EPG5: variants seen among roughly 807,000 people sequenced by gnomAD.
The protein encoded by EPG5 is ectopic P-granules 5 autophagy tethering factor.
Under a neutral mutation model 302.7 loss-of-function variants are expected in EPG5, and 159 were observed. The ratio of observed to expected loss-of-function variants is 0.53; its 90% CI spans 0.46 to 0.60. The LOEUF (loss-of-function observed/expected upper bound fraction) is 0.60. EPG5 is among the 20% of genes least tolerant of loss of function. The probability of loss-of-function intolerance (pLI) is 0.00; values close to 1 mark genes in which losing one functional copy is unlikely to be tolerated. For synonymous variants in EPG5, 1,158 were observed against 1,136.8 expected, an observed-to-expected ratio of 1.02 and a Z score of -0.37; for missense variants, 2,896 against 3,092.4, an observed-to-expected ratio of 0.94 and a Z score of 1.51.
intron 26 of EPG5, among the ~76,000 whole-genome samples, chr18:45,900,111 A>T (rs2049574832): frequency 6.6e-6 from 1 of 152,162 alleles, no homozygotes; most frequent in Admixed American, 6.5e-5. Context: ...CTGATAAGAA[A>T]TTGATTCATG....
chr18:45,918,199 C>G (rs563858963), intron 16 of EPG5, among the ~76,000 whole-genome samples: 78 of 152,326 alleles, frequency 5.1e-4, no homozygotes, highest in Non-Finnish European at 5.6e-4. Context: ...GATATTCCCA[C>G]AAGGTATCAC....
intron 39 of EPG5, among the ~76,000 whole-genome samples, chr18:45,864,088 C>T (rs1374016204): frequency 6.6e-6 from 1 of 152,114 alleles, no homozygotes; most frequent in Non-Finnish European, 1.5e-5. Flanking sequence ...TCCTCTATGC[C>T]TTTTAACCTC....
At chr18:45,935,183 CAT>C (rs2145847984) in intron 10 of EPG5, among the ~76,000 whole-genome samples, 1 of 152,298 alleles carries the variant, frequency 6.6e-6, no homozygotes, top group East Asian at 1.9e-4. Flanking sequence ...ACAATGTGTG[CAT>C]GTGTGTGTGT....
intron 35 of EPG5, among the ~76,000 whole-genome samples, chr18:45,873,626 C>T (rs1323556941): frequency 6.6e-6 from 1 of 152,050 alleles, no homozygotes; most frequent in African/African-American, 2.4e-5. Context: ...TAGAAGTCTG[C>T]CTTTCAAAAA....
intron 34 of EPG5, 84 bp downstream of exon 34, chr18:45,878,292 G>A: frequency 1.1e-6 from 1 of 884,700 alleles, no homozygotes; most frequent in South Asian, 1.4e-5. Context: ...TTAAATCTGT[G>A]AACTCATCAC....
At chr18:45,825,172 G>GA in the EPG5 span, among the ~76,000 whole-genome samples, 76 of 111,194 alleles carry the variant, frequency 6.8e-4, no homozygotes, top group Non-Finnish European at 1.3e-3. Context: ...GGGAGGGAGG[G>GA]AGGAAGAGAG....
the EPG5 span, among the ~76,000 whole-genome samples, chr18:45,821,456 T>A: frequency 6.6e-6 from 1 of 152,226 alleles, no homozygotes; most frequent in Non-Finnish European, 1.5e-5. Flanking sequence ...GAAGGCATTT[T>A]ATATGAGAAT....
At chr18:45,855,331 C>A in intron 43 of EPG5, 1 of 421,030 alleles carries the variant, frequency 2.4e-6, no homozygotes. Context: ...TAATGCTAGA[C>A]AGACTTTTCG....
chr18:45,813,174 A>G, the EPG5 span, among the ~76,000 whole-genome samples: 5 of 152,380 alleles, frequency 3.3e-5, no homozygotes, highest in African/African-American at 1.2e-4. Flanking sequence ...AATGCTCATC[A>G]TGACTGGCCA....
the EPG5 span, among the ~76,000 whole-genome samples, chr18:45,840,712 G>A: frequency 6.6e-6 from 1 of 152,210 alleles, no homozygotes; most frequent in East Asian, 1.9e-4. Flanking sequence ...GGTGTTGAAG[G>A]AGAAAGAACT....
At chr18:45,835,045 A>G in the EPG5 span, among the ~76,000 whole-genome samples, 1 of 152,100 alleles carries the variant, frequency 6.6e-6, no homozygotes, top group South Asian at 2.1e-4. Context: ...TAGGTCCTCC[A>G]CTCGGGTTCA....
intron 42 of EPG5, chr18:45,857,624 C>G: frequency 2.0e-6 from 1 of 495,904 alleles, no homozygotes; most frequent in South Asian, 2.7e-5. Context: ...ATTAAAAATA[C>G]TGTTTGAATT....
chr18:45,922,241 A>G, intron 16 of EPG5, 100 bp downstream of exon 16: 1 of 1,454,988 alleles, frequency 6.9e-7, no homozygotes, highest in Non-Finnish European at 9.3e-7. Flanking sequence ...TTGCTCCGCA[A>G]TAGGTTTGAC....
intron 10 of EPG5, among the ~76,000 whole-genome samples, chr18:45,936,999 T>C (rs925015851): frequency 2.6e-5 from 4 of 152,218 alleles, no homozygotes; most frequent in Non-Finnish European, 2.9e-5. Context: ...AAAAGCCAGC[T>C]AGACTTCTGA....
At position 45,879,183 on chromosome 18, in the gene EPG5, A is replaced by G; in HGVS notation, c.5699T>C (p.Phe1900Ser). Residue 1900 changes from phenylalanine (F) to serine (S), a missense_variant, in exon 33 of 44, where the codon TTT (phenylalanine) becomes TCT (serine). Physicochemically the swap from Phe to Ser is radical, Grantham distance 155 (BLOSUM62 -2). This residue lies in a region of EPG5 where 790 missense variants were observed against 798.0 expected (regional missense o/e 0.99). Coordinates refer to ENST00000282041, the MANE Select transcript of EPG5 (RefSeq NM_020964.3). ...CTTGGATAACCGAAGCTTATAAAAA[A>G]AGTCTGAAAGCCACTGTATAGTCTC... The part of the protein sequence containing the change: ...VMETIQWLSD[F>S]FYKLRLSKMD... The G allele has an allele frequency of 6.2e-7, 1 of 1,613,740 alleles. No individual in the cohort carries two copies. The highest frequency in any genetic ancestry group is 8.5e-7 in the Non-Finnish European group (1 of 1,179,944).
At chr18:45,821,606 G>A in the EPG5 span, among the ~76,000 whole-genome samples, 4 of 152,146 alleles carry the variant, frequency 2.6e-5, no homozygotes, top group South Asian at 2.1e-4. Context: ...ATAAGCAAGC[G>A]AAATTATATC....
At chr18:45,939,050 G>A (rs557719261) in intron 10 of EPG5, among the ~76,000 whole-genome samples, 33 of 152,176 alleles carry the variant, frequency 2.2e-4, no homozygotes, top group African/African-American at 6.8e-4. Flanking sequence ...AAGGGAGCAC[G>A]GGATGTGCAG....
chr18:45,837,693 C>T, the EPG5 span: 24 of 1,476,218 alleles, frequency 1.6e-5, no homozygotes, highest in African/African-American at 2.9e-4. Context: ...TGCGCTGCGG[C>T]GCGGGGCAGC....
rs2048428931 is a variant in EPG5 at position 45,851,950 on chromosome 18, G to A, written c.*517C>T. 1 of 152,274 alleles carries A rather than the reference G, an allele frequency of 6.6e-6. No homozygotes were observed. The highest frequency in any genetic ancestry group is 1.5e-5 in the Non-Finnish European group (1 of 68,130). 9.4% of individuals were successfully genotyped at this position (152,274 alleles called of 1,614,324 possible). On this transcript the variant is annotated 3_prime_UTR_variant, in exon 44 of 44. Transcript: ENST00000282041. The stretch of plus-strand genomic sequence containing the variant: ...AACTCGGCATTTTTATCTCCCTTCT[G>A]AGAAAAACAATACTTTAAAACTATT...
Sources: allele counts gnomAD v4.1 joint callset (sites outside exome capture counted in the v4.1 genomes callset), GRCh38; gene constraint gnomAD v4.1.1; regional missense constraint gnomAD v4.1.1; transcripts MANE v1.5; gene names NCBI Gene and HGNC (gene_info 2026-07-23, HGNC 2026-07-21).